Variants in RLN1 observed in about 807,000 individuals in gnomAD.
The protein encoded by RLN1 is prorelaxin H1.
A neutral mutation model predicts 7.2 loss-of-function variants in RLN1; 4 were observed. The observed-to-expected ratio is 0.56, with a 90% CI of 0.28 to 1.28. RLN1 has a LOEUF of 1.28. Among genes scored for constraint, RLN1 ranks in the 50% most tolerant of loss-of-function variants. RLN1 has a pLI of 0.11. For missense variants in RLN1, 293 were observed against 221.1 expected (o/e 1.32, Z -2.06); for synonymous variants, 105 against 86.0 (o/e 1.22, Z -1.22).
chr9:5,340,328 C>G (rs536400631), upstream of RLN1, among the ~76,000 whole-genome samples: 28 of 152,164 alleles, frequency 1.8e-4, no homozygotes, highest in Non-Finnish European at 3.1e-4. Flanking sequence ...TAATCTGAAT[C>G]CAGGTAAAAA....
In RLN1 at chr9:5,335,309, A is replaced by G; in HGVS notation, c.500T>C (p.Leu167Pro). 6 of 1,604,394 alleles carry G rather than the reference A, an allele frequency of 3.7e-6. No homozygotes were observed. The highest frequency in any genetic ancestry group is 1.7e-4 in the Middle Eastern group (1 of 6,014). The change falls in exon 2 of 2, where the codon CTG becomes CCG. Residue 167 changes from leucine (L) to proline (P), a missense_variant. Coordinates refer to ENST00000223862, the MANE Select transcript of RLN1 (RefSeq NM_006911.4). Reference protein sequence around the residue: ...SQKKRRPYVALFEKCCLIGCT... With the variant: ...SQKKRRPYVAPFEKCCLIGCT... The stretch of plus-strand genomic sequence containing the variant: ...ACCAATTAGGCAACATTTCTCAAAC[A>G]GTGCCACGTAGGGTCGTCTCTTTTT...
intron 1 of RLN1, among the ~76,000 whole-genome samples, chr9:5,337,923 G>A (rs532567169): frequency 6.6e-6 from 1 of 151,988 alleles, no homozygotes; most frequent in African/African-American, 2.4e-5. Context: ...TTATGTGGCA[G>A]ATTTATGACA....
chr9:5,340,238 A>G (rs1256422190), upstream of RLN1, among the ~76,000 whole-genome samples: 2 of 152,234 alleles, frequency 1.3e-5, no homozygotes, highest in Non-Finnish European at 2.9e-5. Context: ...ATTAATTAGT[A>G]TAATGTTGGG....
chr9:5,336,582 T>G (rs1466501819), intron 1 of RLN1, among the ~76,000 whole-genome samples: 6 of 152,078 alleles, frequency 3.9e-5, no homozygotes, highest in African/African-American at 1.5e-4. Context: ...AAATGTTTCT[T>G]GCTGTCAAAA....
chr9:5,340,199 A>C (rs1816964018), upstream of RLN1, among the ~76,000 whole-genome samples: 1 of 152,196 alleles, frequency 6.6e-6, no homozygotes, highest in East Asian at 1.9e-4. Flanking sequence ...TCTAACCTAA[A>C]TAGGATTATA....
Position 5,339,702 on chromosome 9 carries a change from T to G in RLN1, c.45A>C (p.Leu15=). ...CGACTGCTCTGGAAAATTGGTTCAG[T>G]AGTAAACAGAATTCTAGCAGGTGGA... ...FLFHLLEFCL[L]LNQFSRAVAA... The change falls in exon 1 of 2, where the codon CTA becomes CTC. Residue 15 remains leucine, a synonymous_variant. Transcript: ENST00000223862. The G allele has an allele frequency of 6.8e-6, 11 of 1,613,234 alleles. No homozygotes were observed. The highest frequency in any genetic ancestry group is 9.3e-6 in the Non-Finnish European group (11 of 1,180,022).
chr9:5,337,958 T>C (rs1816933540), intron 1 of RLN1, among the ~76,000 whole-genome samples: 1 of 152,000 alleles, frequency 6.6e-6, no homozygotes, highest in African/African-American at 2.4e-5. Context: ...GAATTTCAAA[T>C]TATGTTTTGG....
chr9:5,340,535 AAG>A, upstream of RLN1, among the ~76,000 whole-genome samples: 1 of 152,232 alleles, frequency 6.6e-6, no homozygotes, highest in East Asian at 1.9e-4. Context: ...GAGAGAGAGA[AAG>A]AGAGAGAGAA....
intron 1 of RLN1, among the ~76,000 whole-genome samples, chr9:5,337,360 C>A (rs1816918212): frequency 6.6e-6 from 1 of 151,974 alleles, no homozygotes; most frequent in Non-Finnish European, 1.5e-5. Context: ...TATTTTTAAA[C>A]CTGTTTTGAA....
chr9:5,336,714 G>A (rs1049044539), intron 1 of RLN1, among the ~76,000 whole-genome samples: 2 of 151,954 alleles, frequency 1.3e-5, no homozygotes, highest in African/African-American at 4.8e-5. Flanking sequence ...CTCAGATCAG[G>A]TCTTGCTGCT....
chr9:5,336,104 A>G (rs1816886061), intron 1 of RLN1, among the ~76,000 whole-genome samples: 2 of 152,062 alleles, frequency 1.3e-5, no homozygotes, highest in Admixed American at 1.3e-4. Flanking sequence ...ATAAAGTTAA[A>G]GAGGCAGCAT....
At position 5,336,866 on chromosome 9, in the gene RLN1, G is replaced by A. The variant is rs143649891; in HGVS notation, c.212-1269C>T. Among the ~76,000 whole-genome samples the A allele has an allele frequency of 3.5e-3, 529 of 152,028 alleles. 8 individuals are homozygous for A. Among genetic ancestry groups the A allele is most frequent in the African/African-American group, 0.011 (443 of 41,412 alleles). On this transcript the variant is annotated intron_variant, in intron 1 of 1. Coordinates refer to ENST00000223862, the MANE Select transcript of RLN1 (RefSeq NM_006911.4). ...ATGCCTGCTGATCAGAGGAAACCAC[G>A]ACCCTTCACCTAGACAGCGGTAGTT...
At chr9:5,336,181 C>T (rs1816888210) in intron 1 of RLN1, among the ~76,000 whole-genome samples, 1 of 152,052 alleles carries the variant, frequency 6.6e-6, no homozygotes, top group Non-Finnish European at 1.5e-5. Context: ...ATCTATTTAA[C>T]AATTTGTCTT....
At chr9:5,340,798 G>T (rs1816976317), upstream of RLN1, among the ~76,000 whole-genome samples, 1 of 152,060 alleles carries the variant, frequency 6.6e-6, no homozygotes, top group South Asian at 2.1e-4. Context: ...GTACAAATAG[G>T]TTCATTTTTA....
At chr9:5,336,930 T>C (rs941296515) in intron 1 of RLN1, among the ~76,000 whole-genome samples, 8 of 152,040 alleles carry the variant, frequency 5.3e-5, no homozygotes, top group African/African-American at 1.7e-4. Context: ...GGCAAAAGAA[T>C]CAGTTGTTCT....
chr9:5,337,211 T>C (rs575617376), intron 1 of RLN1, among the ~76,000 whole-genome samples: 1 of 152,154 alleles, frequency 6.6e-6, no homozygotes, highest in South Asian at 2.1e-4. Context: ...TGTCTGTAGT[T>C]GCAGTCTTAT....
intron 1 of RLN1, among the ~76,000 whole-genome samples, chr9:5,336,470 G>T (rs1334450803): frequency 6.6e-6 from 1 of 152,012 alleles, no homozygotes; most frequent in African/African-American, 2.4e-5. Flanking sequence ...TGGACACCCA[G>T]CTGACATCTT....
At chr9:5,337,320 G>A (rs1054765457) in intron 1 of RLN1, among the ~76,000 whole-genome samples, 2 of 151,972 alleles carry the variant, frequency 1.3e-5, no homozygotes, top group Non-Finnish European at 2.9e-5. Context: ...TTATTCATAG[G>A]CTGTGTGTTT....
chr9:5,337,863 T>G (rs1284391295), intron 1 of RLN1, among the ~76,000 whole-genome samples: 1 of 152,068 alleles, frequency 6.6e-6, no homozygotes, highest in African/African-American at 2.4e-5. Flanking sequence ...TTAATGATTT[T>G]CAGCAACAAT....
Sources: allele counts gnomAD v4.1 joint callset (sites outside exome capture counted in the v4.1 genomes callset), GRCh38; gene constraint gnomAD v4.1.1; transcripts MANE v1.5; gene names NCBI Gene and HGNC (gene_info 2026-07-23, HGNC 2026-07-21).